The following MAP4K2 variants were observed in gnomAD, a reference collection of about 807,000 sequenced individuals.
MAP4K2 encodes B lymphocyte serine/threonine protein kinase.
A neutral mutation model predicts 125.3 loss-of-function variants in MAP4K2; 85 were observed. The ratio of observed to expected loss-of-function variants is 0.68; its 90% CI spans 0.57 to 0.81. MAP4K2 has a LOEUF of 0.81. Ranked by LOEUF, MAP4K2 falls within the 40% of genes least tolerant of loss-of-function variation. The pLI is 0.00. For missense variants in MAP4K2, 923 were observed against 1,056.4 expected (o/e 0.87, Z 1.75); for synonymous variants, 479 against 445.1 (o/e 1.08, Z -0.96).
rs1482931251 is a variant in MAP4K2 at position 64,789,743 on chromosome 11, G to C, written c.2362C>G (p.Leu788Val). 1 of 1,614,130 alleles carries C rather than the reference G, an allele frequency of 6.2e-7. No individual in the cohort carries two copies. Among genetic ancestry groups the C allele is most frequent in the East Asian group, 2.2e-5 (1 of 44,888 alleles). The part of the protein sequence containing the change: ...ITDETRIFRV[L>V]GAHRDIILES... ...ACCACCGCCTACCTGTGGGCCCCAA[G>C]CACTCGGAAGATCCTTGTTTCATCT... is the stretch of plus-strand genomic sequence containing the variant. The change falls in exon 31 of 32, where the codon CTT becomes GTT. Residue 788 changes from leucine to valine, a missense_variant. Physicochemically the swap from Leu to Val is conservative, Grantham distance 32 (BLOSUM62 1). This residue lies in a region of MAP4K2 where 90 missense variants were observed against 144.9 expected (regional missense o/e 0.62). Transcript: ENST00000294066.
chr11:64,797,648 C>A lies in MAP4K2; in HGVS notation c.1114G>T (p.Val372Phe). 1 of 1,577,208 alleles carries A rather than the reference C, an allele frequency of 6.3e-7. No homozygotes were observed. Among genetic ancestry groups the A allele is most frequent in the Non-Finnish European group, 8.6e-7 (1 of 1,160,504 alleles). The stretch of plus-strand genomic sequence containing the variant: ...CACCTTTCCTCCAGGGCCTCCTGGA[C>A]CGACTGCAGCAGGCTCCTGGGCAGT... ...EELSGSLLQS[V>F]QEALEERSLT... The change falls in exon 16 of 32, where the codon GTC becomes TTC. Residue 372 changes from valine to phenylalanine, a missense_variant. Coordinates refer to ENST00000294066, the MANE Select transcript of MAP4K2 (RefSeq NM_004579.5).
intron 15 of MAP4K2, among the ~76,000 whole-genome samples, chr11:64,798,198 C>A (rs561723038): frequency 1.3e-5 from 2 of 151,838 alleles, no homozygotes; most frequent in African/African-American, 4.8e-5. Flanking sequence ...TGGAGTCTCG[C>A]TCTGTTGCCC....
Position 64,786,174 on chromosome 11 carries a change from G to A in MAP4K2, c.*3363C>T, listed in dbSNP as rs1323408931. ...CAATAGATGGTTTCATTTTGTTTTT[G>A]AGCTTTATAATATGCTATCGTACTG... is the stretch of plus-strand genomic sequence containing the variant. On this transcript the variant is annotated 3_prime_UTR_variant, in exon 32 of 32. Transcript: ENST00000294066. 6.6e-6 allele frequency: 1 copy of A among 152,112 alleles called. No homozygotes were observed. 9.4% of individuals were successfully genotyped at this position (152,112 alleles called of 1,614,324 possible).
At position 64,800,115 on chromosome 11, in the gene MAP4K2, C is replaced by A. The variant is rs755608982; in HGVS notation, c.909G>T (p.Glu303Asp). The change falls in exon 12 of 32, where the codon GAG becomes GAT. Residue 303 changes from glutamate (E) to aspartate (D), a missense_variant. Glu to Asp is a conservative substitution (Grantham distance 45). Coordinates refer to ENST00000294066, the MANE Select transcript of MAP4K2 (RefSeq NM_004579.5). ...TCCAGCCCCCCTCACCTACCTCCAGCTCACAGTCCTCAGGGGAGGGGGTCC... is the reference window on the plus strand; with the variant it reads ...TCCAGCCCCCCTCACCTACCTCCAGATCACAGTCCTCAGGGGAGGGGGTCC... Reference protein sequence around the residue: ...HLGTPSPEDCELETYDMFPDT... With the variant: ...HLGTPSPEDCDLETYDMFPDT... 1.3e-5 allele frequency: 21 copies of A among 1,605,126 alleles called. No individual in the cohort carries two copies. The highest frequency in any genetic ancestry group is 2.0e-4 in the Middle Eastern group (1 of 5,124).
Position 64,803,066 on chromosome 11 carries a change from G to A in MAP4K2, c.84C>T (p.Gly28=), listed in dbSNP as rs1221559557. ...CGTCCCGTCGCACCTTGTAGACGTC[G>A]CCATAGGTCCCGGCCCCCACGCGCT... ...LLQRVGAGTY[G]DVYKARDTVT... Residue 28 remains glycine (G), a synonymous_variant, in exon 1 of 32, where the codon GGC becomes GGT. Coordinates refer to ENST00000294066, the MANE Select transcript of MAP4K2 (RefSeq NM_004579.5). 4 of 1,604,018 alleles carry A rather than the reference G, an allele frequency of 2.5e-6. No individual in the cohort carries two copies. The highest frequency in any genetic ancestry group is 2.5e-6 in the Non-Finnish European group (3 of 1,178,200).
Position 64,802,960 on chromosome 11 carries a change from G to A in MAP4K2, c.97-18C>T, listed in dbSNP as rs779980452. On this transcript the variant is annotated intron_variant, in intron 1 of 31. Transcript: ENST00000294066. ...TCGCGGGCCTGCAGGGGCGGAGGGT[G>A]AAGCGGGATGGGGGGCGGGGCCGGG... The A allele has an allele frequency of 1.9e-6, 3 of 1,563,002 alleles. No homozygotes were observed. The highest frequency in any genetic ancestry group is 1.7e-6 in the Non-Finnish European group (2 of 1,154,842).
chr11:64,797,444 C>T (rs1940882127), intron 17 of MAP4K2, 57 bp downstream of exon 17: 12 of 1,557,238 alleles, frequency 7.7e-6, no homozygotes, highest in Non-Finnish European at 1.0e-5. Context: ...CATCCCACTC[C>T]AATCGTACCC....
At position 64,796,888 on chromosome 11, in the gene MAP4K2, G is replaced by A; in HGVS notation, c.1413C>T (p.Gly471=). ...CATTGAAGACCTTGGAGAAGCAGGC[G>A]CCCATCTGCAGAGGAGGCAAGAGGC... The part of the protein sequence containing the change: ...GLPPTPKVHM[G]ACFSKVFNGC... Residue 471 remains glycine, a synonymous_variant, in exon 21 of 32, where the codon GGC becomes GGT. Transcript: ENST00000294066. 5 of 1,613,934 alleles carry A rather than the reference G, an allele frequency of 3.1e-6. No individual in the cohort carries two copies. The highest frequency in any genetic ancestry group is 1.1e-5 in the South Asian group (1 of 91,088).
chr11:64,800,677 G>A, intron 10 of MAP4K2, 87 bp downstream of exon 10: 1 of 1,519,680 alleles, frequency 6.6e-7, no homozygotes, highest in Non-Finnish European at 8.9e-7. Flanking sequence ...GGGCTCTTGG[G>A]GTTGCCCCCC....
chr11:64,790,334 C>T, intron 28 of MAP4K2, 60 bp from the exon 29 acceptor site: 1 of 1,611,144 alleles, frequency 6.2e-7, no homozygotes, highest in Non-Finnish European at 8.5e-7. Flanking sequence ...GAAGGCAGAC[C>T]CACGTGGTCG....
intron 24 of MAP4K2, among the ~76,000 whole-genome samples, chr11:64,795,558 G>A (rs1940745849): frequency 6.6e-6 from 1 of 151,838 alleles, no homozygotes; most frequent in Non-Finnish European, 1.5e-5. Flanking sequence ...GTGCCACCAC[G>A]CCCGGCTAAT....
At chr11:64,791,051 G>A (rs1940444932) in intron 27 of MAP4K2, among the ~76,000 whole-genome samples, 1 of 152,200 alleles carries the variant, frequency 6.6e-6, no homozygotes, top group African/African-American at 2.4e-5. Context: ...CAAGAGAATA[G>A]CTTGAACCCA....
rs1348086909 is a variant in MAP4K2 at position 64,802,871 on chromosome 11, A to G, written c.154+14T>C. The G allele has an allele frequency of 6.3e-7, 1 of 1,597,138 alleles. No homozygotes were observed. The highest frequency in any genetic ancestry group is 1.7e-5 in the Admixed American group (1 of 59,116). ...GCCCTTCCTCTGGCGCAGAGGCCCG[A>G]CCCGGGCCCTCACCTGGGTCTAGCT... On this transcript the variant is annotated intron_variant, in intron 2 of 31. Coordinates refer to ENST00000294066, the MANE Select transcript of MAP4K2 (RefSeq NM_004579.5).
intron 10 of MAP4K2, 103 bp from the exon 11 acceptor site, chr11:64,800,495 A>C: frequency 7.4e-7 from 1 of 1,346,068 alleles, no homozygotes. Context: ...TGCTGGGCCC[A>C]CCCAGGAAGG....
Position 64,797,485 on chromosome 11 carries a change from TC to T in MAP4K2, c.1170+15del, listed in dbSNP as rs1940885851. 6.4e-7 allele frequency: 1 copy of T among 1,561,446 alleles called. No homozygotes were observed. The highest frequency in any genetic ancestry group is 1.4e-5 in the African/African-American group (1 of 73,664). On this transcript the variant is annotated intron_variant, in intron 17 of 31. Coordinates refer to ENST00000294066, the MANE Select transcript of MAP4K2 (RefSeq NM_004579.5). ...AGTGGCCTGGATCCCAGCTCCAGCC[TC>T]CCTCTGTGTGGCACCTGGAATTCTG...
rs1292603120 is a variant in MAP4K2, at chr11:64,791,893, T to C, written c.2092+16A>G. On this transcript the variant is annotated intron_variant, in intron 27 of 31. Transcript: ENST00000294066. Reference sequence around the variant, plus strand: ...GCACACACACCCACCCCCAGCAGCCTGGCCCTTCTGCTCACCAGGTGGGAT... The same window carrying C: ...GCACACACACCCACCCCCAGCAGCCCGGCCCTTCTGCTCACCAGGTGGGAT... 25 of 1,549,356 alleles carry C rather than the reference T, an allele frequency of 1.6e-5. No homozygotes were observed. The highest frequency in any genetic ancestry group is 4.1e-5 in the African/African-American group (3 of 73,746).
At chr11:64,790,674 G>C (rs1423645235) in intron 27 of MAP4K2, among the ~76,000 whole-genome samples, 1 of 152,212 alleles carries the variant, frequency 6.6e-6, no homozygotes, top group Non-Finnish European at 1.5e-5. Context: ...ATGGGGAGTG[G>C]AGGAGGAGTC....
intron 27 of MAP4K2, 73 bp downstream of exon 27, chr11:64,791,836 G>A (rs1940494541): frequency 7.0e-7 from 1 of 1,425,876 alleles, no homozygotes; most frequent in Non-Finnish European, 9.3e-7. Context: ...GGGAGCCTTG[G>A]CCCTCCCTGC....
At chr11:64,800,013 G>T in intron 12 of MAP4K2, 96 bp downstream of exon 12, 1 of 1,046,432 alleles carries the variant, frequency 9.6e-7, no homozygotes, top group Non-Finnish European at 1.4e-6. Context: ...TCCCTGAGCT[G>T]GAATGGTGCC....
Sources: gnomAD v4.1 joint callset for allele counts (sites outside exome capture counted in the v4.1 genomes callset) on GRCh38, gnomAD v4.1.1 for gene constraint, gnomAD v4.1.1 regional missense constraint, MANE v1.5 for transcripts, NCBI Gene and HGNC (gene_info 2026-07-23, HGNC 2026-07-21) for gene names.